RGS6: variants seen among roughly 807,000 people sequenced by gnomAD.
RGS6 encodes the protein regulator of G protein signaling 6.
In RGS6, 30 loss-of-function variants were observed where a neutral mutation model predicts 78.5. The observed-to-expected ratio is 0.38, with a 90% CI of 0.29 to 0.52. The LOEUF (loss-of-function observed/expected upper bound fraction) is 0.52, where lower values mean the gene tolerates loss of function less well. Ranked by LOEUF, RGS6 falls within the 20% of genes least tolerant of loss-of-function variation. The pLI is 0.85. For synonymous variants in RGS6, 206 were observed against 206.0 expected (o/e 1.00, Z 0.00); for missense variants, 495 against 609.7 (o/e 0.81, Z 1.98).
intron 2 of RGS6, among the ~76,000 whole-genome samples, chr14:72,244,450 A>G (rs2053707434): frequency 6.6e-6 from 1 of 151,938 alleles, no homozygotes; most frequent in Non-Finnish European, 1.5e-5. Flanking sequence ...GGCTTCCACC[A>G]TTTCTTTGTC....
At chr14:72,108,626 T>A (rs7157068) in intron 2 of RGS6, among the ~76,000 whole-genome samples, 12,999 of 151,968 alleles carry the variant, frequency 0.086, 1,488 homozygotes, top group African/African-American at 0.26. Context: ...TTGATTTTTT[T>A]AAAAAAATTT....
At chr14:71,955,485 C>T (rs898829531) in intron 1 of RGS6, among the ~76,000 whole-genome samples, 5 of 152,202 alleles carry the variant, frequency 3.3e-5, no homozygotes, top group African/African-American at 1.2e-4. Flanking sequence ...ATAGATAGAG[C>T]AGCCCTGAGG....
intron 2 of RGS6, among the ~76,000 whole-genome samples, chr14:72,309,516 C>T (rs539242705): frequency 2.6e-5 from 4 of 152,290 alleles, no homozygotes; most frequent in Non-Finnish European, 4.4e-5. Flanking sequence ...CTAAGTTTTT[C>T]AGTGGGATCA....
chr14:72,599,567 C>G, the RGS6 span, among the ~76,000 whole-genome samples: 1,441 of 143,922 alleles, frequency 0.01, 25 homozygotes, highest in African/African-American at 0.036. Context: ...TGCCACCACG[C>G]CTGGCTAATT....
chr14:72,198,952 A>G (rs2040847939), intron 2 of RGS6, among the ~76,000 whole-genome samples: 1 of 152,222 alleles, frequency 6.6e-6, no homozygotes, highest in Non-Finnish European at 1.5e-5. Flanking sequence ...GAAACGTAAC[A>G]AGGTTTAAGC....
chr14:71,969,799 C>T (rs1350997892), intron 2 of RGS6, among the ~76,000 whole-genome samples: 5 of 152,202 alleles, frequency 3.3e-5, no homozygotes, highest in Non-Finnish European at 4.4e-5. Flanking sequence ...GGAAATTGGT[C>T]TAAAAATGTA....
At chr14:72,290,234 C>T (rs1322713115) in intron 2 of RGS6, among the ~76,000 whole-genome samples, 1 of 152,234 alleles carries the variant, frequency 6.6e-6, no homozygotes, top group African/African-American at 2.4e-5. Flanking sequence ...CAGTATGCTG[C>T]ATAAACCCTA....
chr14:72,025,007 G>A lies in RGS6; in HGVS notation c.84+60132G>A, dbSNP rs555486284. On this transcript the variant is annotated intron_variant, in intron 2 of 17. Coordinates refer to ENST00000553525, the MANE Select transcript of RGS6 (RefSeq NM_001204424.2). ...TTCGTGCCCATAAACCTAATTAAGG[G>A]TACTAGAGATTCTGATTGGCAAGAG... is the stretch of plus-strand genomic sequence containing the variant. Among the ~76,000 whole-genome samples the A allele has an allele frequency of 2.0e-5, 3 of 152,254 alleles. No individual in the cohort carries two copies. In the South Asian group the frequency reaches 6.2e-4, roughly 32 times the overall value.
At chr14:72,506,940 A>G (rs2096809096) in intron 13 of RGS6, among the ~76,000 whole-genome samples, 1 of 139,852 alleles carries the variant, frequency 7.2e-6, no homozygotes. Context: ...CAAGGTCAGG[A>G]GATCGAGACC....
chr14:72,467,057 C>T (rs912505158), intron 7 of RGS6, among the ~76,000 whole-genome samples: 1 of 152,098 alleles, frequency 6.6e-6, no homozygotes, highest in African/African-American at 2.4e-5. Context: ...GAGGCCCCAC[C>T]ACCAAACTTG....
chr14:72,212,927 G>A (rs2044533199), intron 2 of RGS6, among the ~76,000 whole-genome samples: 1 of 152,150 alleles, frequency 6.6e-6, no homozygotes, highest in South Asian at 2.1e-4. Flanking sequence ...TTTCAAAGTA[G>A]GACCATGCAC....
At chr14:72,277,314 C>G (rs1053773870) in intron 2 of RGS6, among the ~76,000 whole-genome samples, 1 of 152,218 alleles carries the variant, frequency 6.6e-6, no homozygotes, top group African/African-American at 2.4e-5. Flanking sequence ...AATATCTCTA[C>G]TAGCCGGGTG....
rs572752821 is a variant in RGS6, at chr14:72,388,721, C to T, written c.184+36527C>T. Among the ~76,000 whole-genome samples, 10 of 152,258 alleles carry T rather than the reference C, an allele frequency of 6.6e-5. No homozygotes were observed. The South Asian group carries it at 1.5e-3, about 22-fold the overall frequency. On this transcript the variant is annotated intron_variant, in intron 3 of 17. Coordinates refer to ENST00000553525, the MANE Select transcript of RGS6 (RefSeq NM_001204424.2). ...GGCTTCTTAAGTTTGACTCTGAAGCCGCACTCTCTGGGTTTGAATCCCAGC... is the reference window on the plus strand; with the variant it reads ...GGCTTCTTAAGTTTGACTCTGAAGCTGCACTCTCTGGGTTTGAATCCCAGC...
At chr14:72,369,296 T>C (rs1407258448) in intron 3 of RGS6, among the ~76,000 whole-genome samples, 2 of 152,204 alleles carry the variant, frequency 1.3e-5, no homozygotes, top group South Asian at 2.1e-4. Flanking sequence ...TAGAATGATG[T>C]GGCCAGAAGC....
At chr14:72,226,143 T>C (rs2048077473) in intron 2 of RGS6, among the ~76,000 whole-genome samples, 1 of 152,230 alleles carries the variant, frequency 6.6e-6, no homozygotes, top group African/African-American at 2.4e-5. Context: ...ATAGCCCATG[T>C]CCACCCACTC....
chr14:72,430,886 C>T (rs1343081057), intron 3 of RGS6, among the ~76,000 whole-genome samples: 1 of 152,132 alleles, frequency 6.6e-6, no homozygotes, highest in Non-Finnish European at 1.5e-5. Flanking sequence ...GTCTGCAGGG[C>T]CCAGAAAATA....
intron 2 of RGS6, among the ~76,000 whole-genome samples, chr14:71,979,114 CT>C (rs1273373309): frequency 6.7e-6 from 1 of 149,756 alleles, no homozygotes; most frequent in Non-Finnish European, 1.5e-5. Context: ...GTGATATCCC[CT>C]TTATCATTTT....
chr14:72,579,723 C>T, the RGS6 span, among the ~76,000 whole-genome samples: 2 of 152,162 alleles, frequency 1.3e-5, no homozygotes, highest in Non-Finnish European at 2.9e-5. Flanking sequence ...GCCCTGATCA[C>T]AAGGTAATTC....
intron 13 of RGS6, among the ~76,000 whole-genome samples, chr14:72,509,781 G>A (rs1028396459): frequency 1.3e-5 from 2 of 152,182 alleles, no homozygotes; most frequent in Admixed American, 1.3e-4. Context: ...GTGTTTTGAT[G>A]AAAGATTGGG....
Sources: gnomAD v4.1 joint callset for allele counts (sites outside exome capture counted in the v4.1 genomes callset) on GRCh38, gnomAD v4.1.1 for gene constraint, MANE v1.5 for transcripts, NCBI Gene and HGNC (gene_info 2026-07-23, HGNC 2026-07-21) for gene names.